The following COL14A1 variants were observed in gnomAD, a reference collection of about 807,000 sequenced individuals.
The protein encoded by COL14A1 is collagen alpha-1(XIV) chain.
COL14A1 carries 136 observed loss-of-function variants against 230.3 expected under a neutral mutation model. The observed-to-expected ratio is 0.59, with a 90% confidence interval of 0.51 to 0.68. COL14A1 has a LOEUF of 0.68. COL14A1 is among the 30% of genes least tolerant of loss of function. COL14A1 has a pLI of 0.00. For missense variants in COL14A1, 1,976 were observed against 2,215.8 expected (o/e 0.89, Z 2.17); for synonymous variants, 792 against 784.1 (o/e 1.01, Z -0.17).
At chr8:120,266,716 A>T (rs758456748) in intron 24 of COL14A1, 111 bp from the exon 25 acceptor site, 9 of 849,634 alleles carry the variant, frequency 1.1e-5, no homozygotes, top group Non-Finnish European at 1.7e-5. Context: ...TTCTCAGAGA[A>T]GACAGTTGTC....
chr8:120,169,763 A>G (rs953019968), intron 5 of COL14A1, among the ~76,000 whole-genome samples: 12 of 151,982 alleles, frequency 7.9e-5, no homozygotes, highest in African/African-American at 2.4e-4. Flanking sequence ...AAACATTTTC[A>G]TACTTTTCTT....
intron 31 of COL14A1, 56 bp from the exon 32 acceptor site, chr8:120,283,580 G>A: frequency 6.5e-7 from 1 of 1,532,384 alleles, no homozygotes; most frequent in Non-Finnish European, 8.8e-7. Flanking sequence ...TATAATCAAA[G>A]GAGTAACTTT....
intron 46 of COL14A1, among the ~76,000 whole-genome samples, chr8:120,368,260 T>C (rs1823474930): frequency 6.6e-6 from 1 of 152,170 alleles, no homozygotes; most frequent in South Asian, 2.1e-4. Flanking sequence ...ATGTCAGTCT[T>C]AGCCACATTA....
intron 37 of COL14A1, among the ~76,000 whole-genome samples, chr8:120,311,330 C>T (rs778177054): frequency 6.6e-6 from 1 of 152,138 alleles, no homozygotes; most frequent in African/African-American, 2.4e-5. Context: ...GATTCTAGTT[C>T]CCTCTTCCCA....
chr8:120,224,326 T>C (rs564050533), intron 14 of COL14A1, among the ~76,000 whole-genome samples: 136 of 152,138 alleles, frequency 8.9e-4, no homozygotes, highest in Non-Finnish European at 1.1e-3. Context: ...TGTAGCACAA[T>C]ATCTAATGAG....
intron 27 of COL14A1, 22 bp downstream of exon 27, chr8:120,278,256 C>T (rs1448406322): frequency 6.3e-7 from 1 of 1,588,422 alleles, no homozygotes; most frequent in East Asian, 2.2e-5. Context: ...AGAAGCCCAG[C>T]TAAGGCTCAA....
At chr8:120,133,595 A>G (rs1237128408) in intron 1 of COL14A1, among the ~76,000 whole-genome samples, 1 of 152,208 alleles carries the variant, frequency 6.6e-6, no homozygotes, top group South Asian at 2.1e-4. Flanking sequence ...TAATAGCTCA[A>G]TAAAGTTTAC....
At chr8:120,370,924 G>C in intron 47 of COL14A1, 1 of 1,176,384 alleles carries the variant, frequency 8.5e-7, no homozygotes, top group South Asian at 1.6e-5. Flanking sequence ...TAAATGGTTG[G>C]TTATGATTCT....
rs866412093 is a variant in COL14A1 at position 120,342,431 on chromosome 8, G to A, written c.4873G>A (p.Glu1625Lys). Residue 1625 changes from glutamate to lysine, a missense_variant, in exon 44 of 48, where the codon GAA (glutamate) becomes AAA (lysine). Glu to Lys is a moderately conservative substitution (Grantham distance 56). This residue lies in a region of COL14A1 where 1,791 missense variants were observed against 2,019.5 expected (regional missense o/e 0.89). Coordinates refer to ENST00000297848, the MANE Select transcript of COL14A1 (RefSeq NM_021110.4). ...GAGATCAGTGGCGCGTCAAGTATGC[G>A]AACAGCTCATCCAGAGTAAGTATGT... ...MVRSVARQVC[E>K]QLIQSHMARY... 2 of 1,613,768 alleles carry A rather than the reference G, an allele frequency of 1.2e-6. No individual in the cohort carries two copies. Among genetic ancestry groups the A allele is most frequent in the Non-Finnish European group, 8.5e-7 (1 of 1,179,870 alleles).
At chr8:120,330,917 C>G (rs745918637) in intron 40 of COL14A1, among the ~76,000 whole-genome samples, 1 of 151,928 alleles carries the variant, frequency 6.6e-6, no homozygotes, top group Non-Finnish European at 1.5e-5. Context: ...ACGAGTCTGA[C>G]GAACATGGAG....
chr8:120,168,606 C>T (rs888027948), intron 5 of COL14A1, among the ~76,000 whole-genome samples: 1 of 152,160 alleles, frequency 6.6e-6, no homozygotes, highest in Non-Finnish European at 1.5e-5. Flanking sequence ...CAAAGCCTGC[C>T]TTTACCACTT....
chr8:120,365,164 G>A (rs1030661719), intron 45 of COL14A1, among the ~76,000 whole-genome samples: 1 of 151,954 alleles, frequency 6.6e-6, no homozygotes, highest in African/African-American at 2.4e-5. Context: ...CTTTCTTTAT[G>A]AATAAGCAAA....
chr8:120,229,933 T>C (rs1001689076), intron 18 of COL14A1, among the ~76,000 whole-genome samples: 1 of 152,102 alleles, frequency 6.6e-6, no homozygotes, highest in Non-Finnish European at 1.5e-5. Context: ...CAGGCTGGAG[T>C]GCAGCACCAC....
chr8:120,322,094 A>T, intron 40 of COL14A1, among the ~76,000 whole-genome samples: 1 of 151,888 alleles, frequency 6.6e-6, no homozygotes, highest in East Asian at 1.9e-4. Flanking sequence ...ATACACATTT[A>T]AATTATAAAT....
intron 22 of COL14A1, among the ~76,000 whole-genome samples, chr8:120,252,557 C>T (rs1819007275): frequency 6.6e-6 from 1 of 152,198 alleles, no homozygotes; most frequent in Non-Finnish European, 1.5e-5. Flanking sequence ...CTCAAATCTG[C>T]TACTTGTTAG....
chr8:120,233,477 C>G (rs947785333), intron 19 of COL14A1, among the ~76,000 whole-genome samples: 24 of 149,608 alleles, frequency 1.6e-4, no homozygotes, highest in Admixed American at 7.3e-4. Flanking sequence ...CTTTTTTTGT[C>G]TAAGATTCAT....
chr8:120,160,890 T>C (rs1277266347), intron 3 of COL14A1, among the ~76,000 whole-genome samples: 1 of 152,348 alleles, frequency 6.6e-6, no homozygotes, highest in Non-Finnish European at 1.5e-5. Context: ...TTAAAGCTTT[T>C]TTTGTTTGTT....
chr8:120,167,993 A>T (rs1019266930), intron 4 of COL14A1, among the ~76,000 whole-genome samples, 168 bp from the exon 5 acceptor site: 1 of 152,222 alleles, frequency 6.6e-6, no homozygotes, highest in Non-Finnish European at 1.5e-5. Flanking sequence ...GTCAAAGTTG[A>T]GAAAAAACAA....
intron 45 of COL14A1, among the ~76,000 whole-genome samples, chr8:120,358,510 A>G (rs930167911): frequency 3.9e-5 from 6 of 152,004 alleles, no homozygotes; most frequent in Non-Finnish European, 7.4e-5. Context: ...CCATGTGGAT[A>G]TTGTGCCTCA....
Sources: allele counts gnomAD v4.1 joint callset (sites outside exome capture counted in the v4.1 genomes callset), GRCh38; gene constraint gnomAD v4.1.1; regional missense constraint gnomAD v4.1.1; transcripts MANE v1.5; gene names NCBI Gene and HGNC (gene_info 2026-07-23, HGNC 2026-07-21).